Variants in NCOA6 observed in about 807,000 individuals in gnomAD.
NCOA6 encodes nuclear receptor coactivator 6, also known as NRC RAP250.
A neutral mutation model predicts 171.4 loss-of-function variants in NCOA6; 49 were observed. That is an observed-to-expected ratio of 0.29 (90% CI 0.23 to 0.36). The LOEUF (loss-of-function observed/expected upper bound fraction) is 0.36. Ranked by LOEUF, NCOA6 falls within the 10% of genes least tolerant of loss-of-function variation. NCOA6 has a pLI of 1.00. For synonymous variants in NCOA6, 910 were observed against 927.5 expected (o/e 0.98, Z 0.34); for missense variants, 2,248 against 2,554.5 (o/e 0.88, Z 2.59).
chr20:34,778,774 C>T (rs914516641), intron 3 of NCOA6, among the ~76,000 whole-genome samples: 6 of 151,674 alleles, frequency 4.0e-5, no homozygotes, highest in East Asian at 3.9e-4. Context: ...CTGGCTAACA[C>T]GGTGAAACCC....
intron 13 of NCOA6, among the ~76,000 whole-genome samples, chr20:34,732,310 T>C (rs1430002257): frequency 6.6e-6 from 1 of 152,168 alleles, no homozygotes; most frequent in Non-Finnish European, 1.5e-5. Flanking sequence ...ATGCAGAACA[T>C]GTTATCTCAC....
intron 14 of NCOA6, among the ~76,000 whole-genome samples, chr20:34,725,008 C>T (rs960726433): frequency 2.0e-5 from 3 of 152,078 alleles, no homozygotes; most frequent in Admixed American, 6.5e-5. Flanking sequence ...AGGCTGGTCT[C>T]GAACTCCTGA....
intron 11 of NCOA6, among the ~76,000 whole-genome samples, chr20:34,737,731 CAT>C (rs932175934): frequency 3.9e-5 from 6 of 152,208 alleles, no homozygotes; most frequent in African/African-American, 1.4e-4. Context: ...TCTGCAACAA[CAT>C]GTTTTACTCT....
chr20:34,801,105 ACCAGTGGGT>A (rs1201720265), intron 1 of NCOA6, among the ~76,000 whole-genome samples: 1 of 152,210 alleles, frequency 6.6e-6, no homozygotes, highest in Non-Finnish European at 1.5e-5. Flanking sequence ...CTCCTCAATG[ACCAGTGGGT>A]CCATGAGGAA....
Position 34,776,371 on chromosome 20 carries a change from C to T in NCOA6, c.313G>A (p.Ala105Thr). ...TGAGCAAGGATCCGTAGCCGCTCCG[C>T]TGCTTCCCGGGGGATGTTGAATGTC... ...RVTFNIPREA[A>T]ERLRILAQSN... The change falls in exon 4 of 15, where the codon GCG (alanine) becomes ACG (threonine). Residue 105 changes from alanine (A) to threonine (T), a missense_variant. Ala to Thr is a moderately conservative substitution (Grantham distance 58, BLOSUM62 0). Around this residue, in one of 7 missense-constraint regions of NCOA6, gnomAD observed 987 missense variants for 1,104.7 expected, o/e 0.89. Transcript: ENST00000359003. 1 of 1,614,178 alleles carries T rather than the reference C, an allele frequency of 6.2e-7. No individual in the cohort carries two copies. The highest frequency in any genetic ancestry group is 8.5e-7 in the Non-Finnish European group (1 of 1,180,036).
rs1276614622 is a variant in NCOA6 at position 34,758,102 on chromosome 20, C to T, written c.646G>A (p.Ala216Thr). 2 of 1,605,726 alleles carry T rather than the reference C, an allele frequency of 1.2e-6. No individual in the cohort carries two copies. Among genetic ancestry groups the T allele is most frequent in the Non-Finnish European group, 8.5e-7 (1 of 1,174,498 alleles). ...RTPRPASQSDAMDPLLSGLHI... is the reference protein window; with the variant it reads ...RTPRPASQSDTMDPLLSGLHI... ...AGCCCAGAGAGGAGTGGATCCATTGCATCTGTTTAAAGATAGTCAACAAAG... is the reference window on the plus strand; with the variant it reads ...AGCCCAGAGAGGAGTGGATCCATTGTATCTGTTTAAAGATAGTCAACAAAG... Residue 216 changes from alanine to threonine, a missense_variant and splice_region_variant, in exon 7 of 15, where the codon GCA becomes ACA. Physicochemically the swap from Ala to Thr is moderately conservative, Grantham distance 58 (BLOSUM62 0). Coordinates refer to ENST00000359003, the MANE Select transcript of NCOA6 (RefSeq NM_014071.5).
intron 1 of NCOA6, among the ~76,000 whole-genome samples, chr20:34,825,062 C>T (rs1017612312): frequency 3.6e-4 from 55 of 152,252 alleles, no homozygotes; most frequent in African/African-American, 9.9e-4. Flanking sequence ...TCCCGGTTCC[C>T]TTCGGACCCA....
chr20:34,758,673 G>C, intron 6 of NCOA6, 132 bp downstream of exon 6: 1 of 1,195,916 alleles, frequency 8.4e-7, no homozygotes, highest in Non-Finnish European at 1.2e-6. Context: ...AAGAAATCAG[G>C]TCAGATTTTG....
At chr20:34,771,401 C>T (rs1467411466) in intron 4 of NCOA6, among the ~76,000 whole-genome samples, 1 of 152,186 alleles carries the variant, frequency 6.6e-6, no homozygotes, top group African/African-American at 2.4e-5. Context: ...TTCCAAAGTG[C>T]TGGGATTACA....
chr20:34,780,944 GT>G (rs1305706964), intron 3 of NCOA6, among the ~76,000 whole-genome samples: 4 of 152,170 alleles, frequency 2.6e-5, no homozygotes, highest in Non-Finnish European at 4.4e-5. Context: ...ATGAACTACT[GT>G]GCCTGGCCTA....
chr20:34,823,737 G>A (rs901957986), intron 1 of NCOA6, among the ~76,000 whole-genome samples: 1 of 150,270 alleles, frequency 6.7e-6, no homozygotes, highest in African/African-American at 2.5e-5. Context: ...TTGCTCTGTC[G>A]CCCAGGCAGG....
At chr20:34,808,858 A>C (rs2078553645) in intron 1 of NCOA6, among the ~76,000 whole-genome samples, 1 of 152,220 alleles carries the variant, frequency 6.6e-6, no homozygotes, top group African/African-American at 2.4e-5. Context: ...TCAGTTGTCC[A>C]AGCTCCACAG....
chr20:34,807,590 A>C (rs1164494470), intron 1 of NCOA6, among the ~76,000 whole-genome samples: 1 of 152,068 alleles, frequency 6.6e-6, no homozygotes, highest in Non-Finnish European at 1.5e-5. Flanking sequence ...CAGTGGTGCA[A>C]TCTCAGCTCA....
At chr20:34,783,692 G>A (rs763078548) in intron 2 of NCOA6, among the ~76,000 whole-genome samples, 2 of 151,954 alleles carry the variant, frequency 1.3e-5, no homozygotes, top group Non-Finnish European at 2.9e-5. Flanking sequence ...GGCACAATTC[G>A]GCTCACTGCA....
At chr20:34,719,618 G>A (rs913937822) in intron 14 of NCOA6, among the ~76,000 whole-genome samples, 21 of 149,624 alleles carry the variant, frequency 1.4e-4, no homozygotes, top group Admixed American at 1.3e-3. Context: ...GCGACAATCC[G>A]AGACTGTCTC....
intron 1 of NCOA6, among the ~76,000 whole-genome samples, chr20:34,815,735 A>G (rs1601155723): frequency 1.3e-5 from 2 of 151,888 alleles, no homozygotes; most frequent in Admixed American, 1.3e-4. Context: ...GGCTAACAAA[A>G]CCCTCAAAGT....
Position 34,741,875 on chromosome 20 carries a change from C to T in NCOA6, c.4381G>A (p.Asp1461Asn), listed in dbSNP as rs1046370234. 11 of 1,614,068 alleles carry T rather than the reference C, an allele frequency of 6.8e-6. No individual in the cohort carries two copies. Among genetic ancestry groups the T allele is most frequent in the Admixed American group, 3.3e-5 (2 of 60,012 alleles). The change falls in exon 11 of 15, where the codon GAT (aspartate) becomes AAT (asparagine). Residue 1461 changes from aspartate to asparagine, a missense_variant. Physicochemically the swap from Asp to Asn is conservative, Grantham distance 23. Around this residue, in one of 7 missense-constraint regions of NCOA6, gnomAD observed 884 missense variants for 941.9 expected, o/e 0.94. Coordinates refer to ENST00000359003, the MANE Select transcript of NCOA6 (RefSeq NM_014071.5). ...MVVPEDQSKK[D>N]GQPSDPNKLP... ...TTGTTAGGATCCGAAGGCTGCCCATCCTTTTTGGACTGATCTTCAGGGACA... is the reference window on the plus strand; with the variant it reads ...TTGTTAGGATCCGAAGGCTGCCCATTCTTTTTGGACTGATCTTCAGGGACA...
At chr20:34,760,459 G>C (rs769884376) in intron 5 of NCOA6, among the ~76,000 whole-genome samples, 2 of 152,186 alleles carry the variant, frequency 1.3e-5, no homozygotes, top group Non-Finnish European at 2.9e-5. Context: ...AGCTTGAAGG[G>C]CAGATTTTGT....
chr20:34,809,019 C>T (rs908076350), intron 1 of NCOA6, among the ~76,000 whole-genome samples: 2 of 152,126 alleles, frequency 1.3e-5, no homozygotes, highest in Non-Finnish European at 2.9e-5. Context: ...CGTAAGGTAG[C>T]CTTGATTTCC....
Sources: allele counts gnomAD v4.1 joint callset (sites outside exome capture counted in the v4.1 genomes callset), GRCh38; gene constraint gnomAD v4.1.1; regional missense constraint gnomAD v4.1.1; transcripts MANE v1.5; gene names NCBI Gene and HGNC (gene_info 2026-07-23, HGNC 2026-07-21).